The following MANBA variants were observed in gnomAD, a reference collection of about 807,000 sequenced individuals.
MANBA encodes the protein beta-mannosidase.
In MANBA, 83 loss-of-function variants were observed where a neutral mutation model predicts 111.1. That is an observed-to-expected ratio of 0.75 (90% confidence interval 0.63 to 0.90). The LOEUF (loss-of-function observed/expected upper bound fraction) is 0.90. Ranked by LOEUF, MANBA falls within the 40% of genes least tolerant of loss-of-function variation. The pLI is 0.00. For synonymous variants in MANBA, 370 were observed against 378.7 expected (o/e 0.98, Z 0.27); for missense variants, 1,036 against 1,069.0 (o/e 0.97, Z 0.43).
At position 102,729,037 on chromosome 4, in the gene MANBA, G is replaced by A. The variant is rs1008802079; in HGVS notation, c.178-2354C>T. Reference sequence around the variant, plus strand: ...TCTCGATGTCCAGGGCCAGCTTGATGTTCATCAGTTCCTGGTACTCAAGCA... The same window carrying A: ...TCTCGATGTCCAGGGCCAGCTTGATATTCATCAGTTCCTGGTACTCAAGCA... On this transcript the variant is annotated intron_variant, in intron 1 of 16. Coordinates refer to ENST00000647097, the MANE Select transcript of MANBA (RefSeq NM_005908.4). 7.4e-5 allele frequency: 68 copies of A among 919,578 alleles called. 1 individual carries two copies. The Admixed American group carries it at 1.1e-3, about 15-fold the overall frequency. 57.0% of individuals were successfully genotyped at this position (919,578 alleles called of 1,614,324 possible).
chr4:102,754,489 C>G (rs1218214464), intron 1 of MANBA, among the ~76,000 whole-genome samples: 1 of 152,006 alleles, frequency 6.6e-6, no homozygotes, highest in Non-Finnish European at 1.5e-5. Context: ...TTATAGAAAC[C>G]TGTTTAATGC....
intron 1 of MANBA, chr4:102,730,220 A>T: frequency 1.7e-6 from 1 of 601,206 alleles, no homozygotes; most frequent in Non-Finnish European, 2.9e-6. Flanking sequence ...TAGAGATCCC[A>T]GAAGGAGTGG....
chr4:102,645,265 A>G (rs910564822), intron 13 of MANBA, among the ~76,000 whole-genome samples: 3 of 151,976 alleles, frequency 2.0e-5, no homozygotes, highest in Non-Finnish European at 2.9e-5. Flanking sequence ...GATTGATACC[A>G]TTTTATTGAG....
rs542102656 is a variant in MANBA, at chr4:102,639,420, G to A, written c.2014+293C>T. Among the ~76,000 whole-genome samples the A allele has an allele frequency of 9.2e-5, 14 of 152,222 alleles. No individual in the cohort carries two copies. The South Asian group carries it at 1.0e-3, about 11-fold the overall frequency. The stretch of plus-strand genomic sequence containing the variant: ...CTTAAATAAATTCAAAATTCTATGC[G>A]TAATAACAAGACACATGGCTGAGAC... On this transcript the variant is annotated intron_variant, in intron 14 of 16. Coordinates refer to ENST00000647097, the MANE Select transcript of MANBA (RefSeq NM_005908.4).
chr4:102,637,611 C>T (rs1197845096), intron 14 of MANBA, among the ~76,000 whole-genome samples: 2 of 152,222 alleles, frequency 1.3e-5, no homozygotes, highest in African/African-American at 4.8e-5. Flanking sequence ...TTCCACATAG[C>T]TGACCATGTG....
intron 8 of MANBA, chr4:102,671,855 C>A (rs1282714671): frequency 4.7e-6 from 2 of 428,974 alleles, no homozygotes; most frequent in Non-Finnish European, 8.1e-6. Context: ...TTTTCCAATT[C>A]CTATTCACAT....
At chr4:102,703,352 G>A (rs1220282422) in intron 5 of MANBA, among the ~76,000 whole-genome samples, 1 of 152,142 alleles carries the variant, frequency 6.6e-6, no homozygotes, top group East Asian at 1.9e-4. Context: ...TTCATTCCTG[G>A]CAGTAGGCTG....
intron 7 of MANBA, among the ~76,000 whole-genome samples, chr4:102,676,108 G>A (rs1413283176): frequency 6.6e-6 from 1 of 152,100 alleles, no homozygotes; most frequent in East Asian, 1.9e-4. Context: ...TAAACAAACT[G>A]GGTAAAATTA....
At position 102,648,547 on chromosome 4, in the gene MANBA, A is replaced by G. The variant is rs540118482; in HGVS notation, c.1869+1990T>C. 6.2e-4 allele frequency among the ~76,000 whole-genome samples: 95 copies of G among 152,246 alleles called. 1 individual carries two copies. The highest frequency in any genetic ancestry group is 2.1e-3 in the African/African-American group (89 of 41,560). On this transcript the variant is annotated intron_variant, in intron 13 of 16. Coordinates refer to ENST00000647097, the MANE Select transcript of MANBA (RefSeq NM_005908.4). ...AGAAAAGTAAAATCTATAGAGACAG[A>G]AAATAGATTTATGTTGTCTTGCAGC... is the stretch of plus-strand genomic sequence containing the variant.
Position 102,733,758 on chromosome 4 carries a change from C to T in MANBA, c.178-7075G>A, listed in dbSNP as rs1216968264. 3.9e-5 allele frequency among the ~76,000 whole-genome samples: 6 copies of T among 152,196 alleles called. No homozygotes were observed. In the East Asian group the frequency reaches 7.7e-4, roughly 20 times the overall value. ...TACTGTTCTGTTTCTTTGTTCCTTACAAAACCCACTATTCTTCCATGGCCC... is the reference window on the plus strand; with the variant it reads ...TACTGTTCTGTTTCTTTGTTCCTTATAAAACCCACTATTCTTCCATGGCCC... On this transcript the variant is annotated intron_variant, in intron 1 of 16. Transcript: ENST00000647097.
chr4:102,633,536 A>G lies in MANBA; in HGVS notation c.2415+1252T>C, dbSNP rs746645778. 6 of 397,790 alleles carry G rather than the reference A, an allele frequency of 1.5e-5. No individual in the cohort carries two copies. The South Asian group carries it at 6.9e-4, about 46-fold the overall frequency. 24.6% of individuals were successfully genotyped at this position (397,790 alleles called of 1,614,324 possible). A position where few individuals can be genotyped will look rare whatever the true frequency, so the allele number is the denominator to read the frequency against. ...TCTCCCTTGAGAAAAGAAGCCAAAT[A>G]CCTAGTCTATATTAGCCCCGAATTA... On this transcript the variant is annotated intron_variant, in intron 16 of 16. Coordinates refer to ENST00000647097, the MANE Select transcript of MANBA (RefSeq NM_005908.4).
At chr4:102,670,712 T>G (rs1186615100) in intron 9 of MANBA, among the ~76,000 whole-genome samples, 1 of 151,918 alleles carries the variant, frequency 6.6e-6, no homozygotes, top group African/African-American at 2.4e-5. Flanking sequence ...GATGCTAATT[T>G]ACTAAAAATA....
intron 7 of MANBA, among the ~76,000 whole-genome samples, chr4:102,680,027 G>A (rs968285975): frequency 6.6e-6 from 1 of 152,136 alleles, no homozygotes; most frequent in African/African-American, 2.4e-5. Flanking sequence ...AATTGCTGTA[G>A]AACAAGTGTC....
intron 10 of MANBA, chr4:102,665,300 C>T (rs1337356601): frequency 5.2e-6 from 1 of 193,606 alleles, no homozygotes; most frequent in East Asian, 1.5e-4. Flanking sequence ...AACACTACCA[C>T]TGAAAGAAGG....
chr4:102,752,305 T>C lies in MANBA; in HGVS notation c.177+8413A>G, dbSNP rs149636415. 8 of 1,368,270 alleles carry C rather than the reference T, an allele frequency of 5.8e-6. No individual in the cohort carries two copies. The African/African-American group carries it at 7.1e-5, about 12-fold the overall frequency. 84.8% of individuals were successfully genotyped at this position (1,368,270 alleles called of 1,614,324 possible). A position where few individuals can be genotyped will look rare whatever the true frequency, so the allele number is the denominator to read the frequency against. ...AATTGTATTTCCCATTCTCCAACTT[T>C]GTAAACGTTTAGCATCTGGAAGCAC... On this transcript the variant is annotated intron_variant, in intron 1 of 16. Coordinates refer to ENST00000647097, the MANE Select transcript of MANBA (RefSeq NM_005908.4).
chr4:102,657,238 G>GGGGGGGGGGGGGGAA (rs1730605431), intron 12 of MANBA, among the ~76,000 whole-genome samples: 1 of 105,110 alleles, frequency 9.5e-6, no homozygotes, highest in Non-Finnish European at 2.0e-5. Context: ...GGGGGTGGGC[G>GGGGGGGGGGGGGGAA]GTGGTAATGG....
chr4:102,727,872 C>A, intron 1 of MANBA: 1 of 565,564 alleles, frequency 1.8e-6, no homozygotes, highest in South Asian at 1.7e-5. Context: ...GAAAAAGCCC[C>A]TTGTGAAGGG....
chr4:102,752,599 T>C, intron 1 of MANBA: 1 of 620,972 alleles, frequency 1.6e-6, no homozygotes, highest in Non-Finnish European at 3.1e-6. Flanking sequence ...ATAAATTGTA[T>C]TCCTACAGAT....
At chr4:102,714,201 T>A (rs1722224449) in intron 5 of MANBA, among the ~76,000 whole-genome samples, 1 of 152,214 alleles carries the variant, frequency 6.6e-6, no homozygotes, top group Non-Finnish European at 1.5e-5. Flanking sequence ...TTCCATTTTA[T>A]TTTTTCCTTT....
Sources: allele counts gnomAD v4.1 joint callset (sites outside exome capture counted in the v4.1 genomes callset), GRCh38; gene constraint gnomAD v4.1.1; transcripts MANE v1.5; gene names NCBI Gene and HGNC (gene_info 2026-07-23, HGNC 2026-07-21).